The following LYST variants were observed in gnomAD, a reference collection of about 807,000 sequenced individuals.
The protein encoded by LYST is lysosomal-trafficking regulator.
A neutral mutation model predicts 413.6 loss-of-function variants in LYST; 192 were observed. The observed-to-expected ratio is 0.46, with a 90% CI of 0.41 to 0.52. The LOEUF (loss-of-function observed/expected upper bound fraction) is 0.52, where lower values mean the gene tolerates loss of function less well. Ranked by LOEUF, LYST falls within the 20% of genes least tolerant of loss-of-function variation. LYST has a pLI of 0.00. For synonymous variants in LYST, 1,525 were observed against 1,567.3 expected (o/e 0.97, Z 0.64); for missense variants, 3,815 against 4,499.9 (o/e 0.85, Z 4.35).
At chr1:235,879,253 A>C (rs1474240204) in intron 1 of LYST, among the ~76,000 whole-genome samples, 1 of 152,210 alleles carries the variant, frequency 6.6e-6, no homozygotes, top group African/African-American at 2.4e-5. Flanking sequence ...ATAATATTAG[A>C]GCATTTGTCA....
chr1:235,716,754 A>ATAT lies in LYST; in HGVS notation c.9584_9585insATA (p.Val3195_Gln3196insTyr), dbSNP rs757162379. The ATAT allele has an allele frequency of 6.3e-7, 1 of 1,595,314 alleles. No homozygotes were observed. Among genetic ancestry groups the ATAT allele is most frequent in the Non-Finnish European group, 8.6e-7 (1 of 1,163,398 alleles). On this transcript the variant is annotated inframe_insertion, in exon 41 of 53. Transcript: ENST00000389793. ...AACGATCTTCTTTTTCTTTATACTG[A>ATAT]ACAGCTATAGGTTTAGAGAGATTTC...
intron 1 of LYST, among the ~76,000 whole-genome samples, chr1:235,835,061 G>A (rs1181741936): frequency 1.3e-5 from 2 of 150,996 alleles, no homozygotes; most frequent in Non-Finnish European, 2.9e-5. Context: ...GGGATTACAG[G>A]CGCCCACCAT....
In LYST at chr1:235,734,644, C is replaced by T; in HGVS notation, c.8374G>A (p.Val2792Ile). Reference sequence around the variant, plus strand: ...TGTATCAACTCTGACAAATACAAAACTAACTTGGCTCCATGCTTTAAAAAA... The same window carrying T: ...TGTATCAACTCTGACAAATACAAAATTAACTTGGCTCCATGCTTTAAAAAA... Reference protein sequence around the residue: ...SPSLQHGAKLVLYLSELIHNH... With the variant: ...SPSLQHGAKLILYLSELIHNH... Residue 2792 changes from valine (V) to isoleucine (I), a missense_variant, in exon 32 of 53, where the codon GTT becomes ATT. Physicochemically the swap from Val to Ile is conservative, Grantham distance 29. Transcript: ENST00000389793. 1.9e-6 allele frequency: 3 copies of T among 1,608,622 alleles called. No individual in the cohort carries two copies. The highest frequency in any genetic ancestry group is 2.5e-6 in the Non-Finnish European group (3 of 1,176,756).
chr1:235,716,650 C>T (rs941043133), intron 41 of LYST, 62 bp downstream of exon 41: 1 of 1,049,384 alleles, frequency 9.5e-7, no homozygotes, highest in Admixed American at 1.8e-5. Context: ...AGGTAAAACA[C>T]AAGTCTGTAA....
intron 48 of LYST, among the ~76,000 whole-genome samples, chr1:235,678,500 G>T (rs774919192): frequency 1.1e-4 from 16 of 152,102 alleles, no homozygotes; most frequent in Non-Finnish European, 2.1e-4. Flanking sequence ...ACGGATACCA[G>T]ATGTCCACAC....
At chr1:235,700,861 T>C (rs1253439292) in intron 45 of LYST, among the ~76,000 whole-genome samples, 1 of 152,196 alleles carries the variant, frequency 6.6e-6, no homozygotes, top group Non-Finnish European at 1.5e-5. Context: ...GTCCTTGTGT[T>C]TATGGAGTTA....
rs12062769 is a variant in LYST, at chr1:235,677,389, C to A, written c.10940+91G>T. 0.017 allele frequency: 23,174 copies of A among 1,348,684 alleles called. 2,765 individuals carry two copies. In the African/African-American group the frequency reaches 0.27, roughly 16 times the overall value. The allele number at this position is 1,348,684 out of a possible 1,614,324, so 83.5% of individuals were successfully genotyped here. A position where few individuals can be genotyped will look rare whatever the true frequency, so the allele number is the denominator to read the frequency against. ...TGTTTCATGGTTAAAATGATTATAACGTAAAGACATTATTTTGGTTTATCT... is the reference window on the plus strand; with the variant it reads ...TGTTTCATGGTTAAAATGATTATAAAGTAAAGACATTATTTTGGTTTATCT... On this transcript the variant is annotated intron_variant, in intron 49 of 52. Transcript: ENST00000389793.
In LYST at chr1:235,708,324, A is replaced by G. The variant is rs140972230; in HGVS notation, c.10143+767T>C. ...ACAAAGTACAAGTACTTTTTCTGTAATAAGAAAACATGGTGCCATTTTAAA... is the reference window on the plus strand; with the variant it reads ...ACAAAGTACAAGTACTTTTTCTGTAGTAAGAAAACATGGTGCCATTTTAAA... On this transcript the variant is annotated intron_variant, in intron 44 of 52. Coordinates refer to ENST00000389793, the MANE Select transcript of LYST (RefSeq NM_000081.4). Among the ~76,000 whole-genome samples, 404 of 152,268 alleles carry G rather than the reference A, an allele frequency of 2.7e-3. 2 individuals are homozygous for G. The highest frequency in any genetic ancestry group is 9.4e-3 in the African/African-American group (391 of 41,562).
intron 24 of LYST, among the ~76,000 whole-genome samples, chr1:235,756,789 GAATA>G (rs1174525208): frequency 6.6e-6 from 1 of 152,122 alleles, no homozygotes; most frequent in African/African-American, 2.4e-5. Context: ...TGCTATGATA[GAATA>G]AATAATAAGT....
At chr1:235,735,326 C>G (rs1354019484) in intron 31 of LYST, 1 of 152,114 alleles carries the variant, frequency 6.6e-6, no homozygotes, top group Non-Finnish European at 1.5e-5. Context: ...ATTCACTACT[C>G]CCTAGAACAA....
Position 235,801,070 on chromosome 1 carries a change from C to T in LYST, c.3740G>A (p.Gly1247Asp), listed in dbSNP as rs1192604989. ...ATTTGGACTGCTTGATGCACTGAAA[C>T]CTTCTGTTTCAGACTTTAAGTCTAC... Reference protein sequence around the residue: ...DGVDLKSETEGFSASSSPNDL... With the variant: ...DGVDLKSETEDFSASSSPNDL... Residue 1247 changes from glycine (G) to aspartate (D), a missense_variant, in exon 9 of 53, where the codon GGT (glycine) becomes GAT (aspartate). Physicochemically the swap from Gly to Asp is moderately conservative, Grantham distance 94 (BLOSUM62 -1). Transcript: ENST00000389793. 1.9e-6 allele frequency: 3 copies of T among 1,611,736 alleles called. No individual in the cohort carries two copies. The highest frequency in any genetic ancestry group is 4.5e-5 in the East Asian group (2 of 44,798).
At chr1:235,880,776 G>T (rs1681342276) in intron 1 of LYST, among the ~76,000 whole-genome samples, 1 of 152,128 alleles carries the variant, frequency 6.6e-6, no homozygotes, top group Non-Finnish European at 1.5e-5. Context: ...CATCTTCAAA[G>T]ATTTTTCTTA....
Position 235,664,341 on chromosome 1 carries a change from C to T in LYST, c.11195+124G>A, listed in dbSNP as rs12092604. The T allele has an allele frequency of 0.48, 431,935 of 903,930 alleles. 112,810 individuals carry two copies. The highest frequency in any genetic ancestry group is 0.72 in the African/African-American group (43,228 of 59,688). The allele number at this position is 903,930 out of a possible 1,614,324, so 56.0% of individuals were successfully genotyped here. ...AACAGGAATAACTAAAGAACCTACA[C>T]CCCAAGGTGAGTTTAAATCTCTAAA... On this transcript the variant is annotated intron_variant, in intron 51 of 52. Coordinates refer to ENST00000389793, the MANE Select transcript of LYST (RefSeq NM_000081.4). The surrounding 1 kb of genome is among the most constrained non-coding windows in gnomAD (Gnocchi z 4.5).
chr1:235,794,735 C>A (rs1400008933), intron 10 of LYST, among the ~76,000 whole-genome samples: 1 of 152,156 alleles, frequency 6.6e-6, no homozygotes, highest in Non-Finnish European at 1.5e-5. Context: ...TCTGGAGAGA[C>A]TACTTGCAAT....
Position 235,734,540 on chromosome 1 carries a change from G to A in LYST, c.8478C>T (p.His2826=), listed in dbSNP as rs1664653266. ...TTGATGCACTGGGAGGGATGCACTT[G>A]TGACCACATAACTTCAAAGCATTCA... ...LLMNALKLCG[H]KCIPPSASTK... The change falls in exon 32 of 53, where the codon CAC becomes CAT. Residue 2826 remains histidine, a synonymous_variant. Coordinates refer to ENST00000389793, the MANE Select transcript of LYST (RefSeq NM_000081.4). 3 of 1,613,646 alleles carry A rather than the reference G, an allele frequency of 1.9e-6. No homozygotes were observed. The highest frequency in any genetic ancestry group is 1.7e-4 in the Middle Eastern group (1 of 6,060).
intron 45 of LYST, among the ~76,000 whole-genome samples, chr1:235,702,382 T>C (rs1298555406): frequency 6.6e-6 from 1 of 152,218 alleles, no homozygotes; most frequent in Non-Finnish European, 1.5e-5. Context: ...ATGGTATGCA[T>C]GTGTACACTG....
chr1:235,673,286 G>A (rs1228200306), intron 50 of LYST, among the ~76,000 whole-genome samples: 1 of 151,604 alleles, frequency 6.6e-6, no homozygotes, highest in Non-Finnish European at 1.5e-5. Flanking sequence ...ACTAAGTCAA[G>A]CTCACCCCAA....
At chr1:235,819,268 CTTT>C (rs1261031619) in intron 3 of LYST, among the ~76,000 whole-genome samples, 3 of 152,140 alleles carry the variant, frequency 2.0e-5, no homozygotes, top group Non-Finnish European at 4.4e-5. Flanking sequence ...GGGTGCATTA[CTTT>C]TTTATTAATA....
At chr1:235,804,961 T>C (rs944700928) in intron 6 of LYST, among the ~76,000 whole-genome samples, 1 of 152,200 alleles carries the variant, frequency 6.6e-6, no homozygotes, top group Non-Finnish European at 1.5e-5. Flanking sequence ...AAGAGTTTTG[T>C]GTGCTGTGTT....
Sources: allele counts gnomAD v4.1 joint callset (sites outside exome capture counted in the v4.1 genomes callset), GRCh38; gene constraint gnomAD v4.1.1; non-coding constraint Gnocchi (gnomAD v3.1); transcripts MANE v1.5; gene names NCBI Gene and HGNC (gene_info 2026-07-23, HGNC 2026-07-21).